The following SNRPN variants were observed in gnomAD, a reference collection of about 807,000 sequenced individuals.
SNRPN encodes the protein small nuclear ribonucleoprotein polypeptide N, also known as small nuclear ribonucleoprotein-associated protein N.
Under a neutral mutation model 25.2 loss-of-function variants are expected in SNRPN, and 7 were observed. The observed-to-expected ratio is 0.28, with a 90% CI of 0.16 to 0.52. The LOEUF (loss-of-function observed/expected upper bound fraction) is 0.52. SNRPN is among the 20% of genes least tolerant of loss of function. The pLI is 0.96. For synonymous variants in SNRPN, 124 were observed against 110.6 expected (o/e 1.12, Z -0.76); for missense variants, 196 against 322.5 (o/e 0.61, Z 3.00).
chr15:24,879,988 A>G (rs577945181), intron 1 of SNRPN, among the ~76,000 whole-genome samples: 181 of 152,282 alleles, frequency 1.2e-3, no homozygotes, highest in South Asian at 3.5e-3. Flanking sequence ...CAAGAGGTCC[A>G]TTTCCCAAGC....
intron 3 of SNRPN, among the ~76,000 whole-genome samples, chr15:24,924,169 A>G (rs2060231896): frequency 6.6e-6 from 1 of 151,932 alleles, no homozygotes; most frequent in Non-Finnish European, 1.5e-5. Flanking sequence ...GAAAAGGTAT[A>G]CAAATTAGAT....
chr15:24,861,994 C>T (rs1479453805), intron 1 of SNRPN, among the ~76,000 whole-genome samples: 1 of 148,822 alleles, frequency 6.7e-6, no homozygotes, highest in Non-Finnish European at 1.5e-5. Flanking sequence ...GAGGCTGCAG[C>T]ATTTTCTGTG....
At chr15:24,954,685 C>G (rs554973571), upstream of SNRPN, among the ~76,000 whole-genome samples, 8 of 152,294 alleles carry the variant, frequency 5.3e-5, no homozygotes, top group South Asian at 1.4e-3. Context: ...GTGGTGTGTG[C>G]AAAAATTTAT....
intron 1 of SNRPN, among the ~76,000 whole-genome samples, chr15:24,866,052 A>C (rs938656947): frequency 1.3e-5 from 2 of 152,110 alleles, no homozygotes; most frequent in Non-Finnish European, 2.9e-5. Context: ...CTGTTGCTAC[A>C]TGTTAGAATT....
At chr15:24,970,785 A>G (rs1320476041) in intron 3 of SNRPN, among the ~76,000 whole-genome samples, 1 of 152,236 alleles carries the variant, frequency 6.6e-6, no homozygotes, top group East Asian at 1.9e-4. Flanking sequence ...TTAGTTTCTC[A>G]GTACCACCCT....
At chr15:24,919,831 A>G (rs915187102) in intron 2 of SNRPN, among the ~76,000 whole-genome samples, 1 of 152,192 alleles carries the variant, frequency 6.6e-6, no homozygotes, top group African/African-American at 2.4e-5. Context: ...CTAATGTTTG[A>G]TCAAGCAAAG....
chr15:24,930,170 T>C (rs1288904482), intron 3 of SNRPN, among the ~76,000 whole-genome samples: 4 of 146,248 alleles, frequency 2.7e-5, no homozygotes, highest in Admixed American at 2.1e-4. Context: ...AAATAATAAA[T>C]TTTTTTCTAG....
At chr15:24,948,511 T>G (rs190125563) in intron 3 of SNRPN, among the ~76,000 whole-genome samples, 22 of 152,316 alleles carry the variant, frequency 1.4e-4, no homozygotes, top group Admixed American at 1.3e-3. Flanking sequence ...GTTTCATTGA[T>G]GTACCAATAT....
chr15:24,978,723 A>C lies in SNRPN; in HGVS notation c.*279A>C. 1 of 481,966 alleles carries C rather than the reference A, an allele frequency of 2.1e-6. No homozygotes were observed. The highest frequency in any genetic ancestry group is 3.7e-6 in the Non-Finnish European group (1 of 272,968). The allele number at this position is 481,966 out of a possible 1,614,324, so 29.9% of individuals were successfully genotyped here. On this transcript the variant is annotated 3_prime_UTR_variant, in exon 10 of 10. Transcript: ENST00000390687. ...GGATAAAAAGGTTTTCTGCTATCTA[A>C]CTTTCACTTTGTGCATTGACTGGTG...
chr15:24,976,504 A>G (rs983330187), intron 6 of SNRPN, 88 bp downstream of exon 6: 2 of 895,248 alleles, frequency 2.2e-6, no homozygotes, highest in African/African-American at 1.7e-5. Flanking sequence ...GAGCAGACAC[A>G]GTTCAACATG....
rs535416251 is a variant in SNRPN at position 24,929,122 on chromosome 15, A to G, written c.-391+8998A>G. On this transcript the variant is annotated intron_variant, in intron 3 of 11. Coordinates refer to the SNRPN transcript ENST00000400097. This position sits in a 1 kb window ranked among gnomAD's most constrained non-coding sequence, Gnocchi z 5.3. ...TTCCAGATATACGGGATATAAAGAT[A>G]TAGCTATATGTATGTGACTATATGT... Among the ~76,000 whole-genome samples the G allele has an allele frequency of 2.0e-4, 30 of 152,292 alleles. No homozygotes were observed. The highest frequency in any genetic ancestry group is 6.5e-4 in the African/African-American group (27 of 41,570).
chr15:24,935,266 T>C (rs1391343449), intron 3 of SNRPN, among the ~76,000 whole-genome samples: 2 of 147,018 alleles, frequency 1.4e-5, no homozygotes, highest in Non-Finnish European at 2.9e-5. Context: ...AGCGAGACTT[T>C]GTCTCCAAAA....
At chr15:24,837,351 C>T (rs564229434) in intron 2 of SNRPN, among the ~76,000 whole-genome samples, 9 of 148,428 alleles carry the variant, frequency 6.1e-5, no homozygotes, top group Non-Finnish European at 1.0e-4. Flanking sequence ...TCATATATTG[C>T]GACTTGAGGG....
At chr15:24,833,104 C>CAAAAAA (rs10696281) in intron 2 of SNRPN, among the ~76,000 whole-genome samples, 7 of 61,768 alleles carry the variant, frequency 1.1e-4, no homozygotes, top group Admixed American at 2.7e-4. Flanking sequence ...GACTCTGTCT[C>CAAAAAA]AAAAAAAAAA....
chr15:24,851,881 G>A (rs539525326), upstream of SNRPN: 2 of 152,236 alleles, frequency 1.3e-5, no homozygotes, highest in African/African-American at 4.8e-5. Context: ...ACTGAGACTC[G>A]CCCCATCCCA....
At position 24,977,879 on chromosome 15, in the gene SNRPN, T is replaced by A. The variant is rs776971923; in HGVS notation, c.522T>A (p.Thr174=). The change falls in exon 8 of 10, where the codon ACT becomes ACA. Residue 174 remains threonine, a synonymous_variant. Transcript: ENST00000390687. ...APTQYPPGRG[T]PPPPVGRATP... The stretch of plus-strand genomic sequence containing the variant: ...CACAGTACCCACCAGGACGGGGCAC[T>A]CCGCCCCCACCCGTCGGCAGAGCAA... 6.3e-7 allele frequency: 1 copy of A among 1,599,602 alleles called. No homozygotes were observed. The highest frequency in any genetic ancestry group is 8.5e-7 in the Non-Finnish European group (1 of 1,172,756).
chr15:24,927,186 T>TC (rs1312373304), intron 3 of SNRPN, among the ~76,000 whole-genome samples: 2 of 151,938 alleles, frequency 1.3e-5, no homozygotes, highest in African/African-American at 4.8e-5. Flanking sequence ...AATGGCATAA[T>TC]CATAGCTCAA....
chr15:24,905,111 T>G (rs2058712109), intron 2 of SNRPN, among the ~76,000 whole-genome samples: 1 of 41,202 alleles, frequency 2.4e-5, no homozygotes, highest in African/African-American at 1.3e-4. Flanking sequence ...AGACTCCGTC[T>G]CAAAAAAAAA....
At chr15:24,838,746 C>G (rs1439905911) in intron 2 of SNRPN, among the ~76,000 whole-genome samples, 3 of 152,028 alleles carry the variant, frequency 2.0e-5, no homozygotes, top group African/African-American at 7.3e-5. Flanking sequence ...CCTATATAAA[C>G]TTGATGTGCC....
Sources: allele counts gnomAD v4.1 joint callset (sites outside exome capture counted in the v4.1 genomes callset), GRCh38; gene constraint gnomAD v4.1.1; non-coding constraint Gnocchi (gnomAD v3.1); transcripts MANE v1.5; gene names NCBI Gene and HGNC (gene_info 2026-07-23, HGNC 2026-07-21).